The following OR9Q1 variants were observed in gnomAD, a reference collection of about 807,000 sequenced individuals.
The protein encoded by OR9Q1 is olfactory receptor 9Q1.
For missense variants in OR9Q1, 374 were observed against 378.8 expected, an observed-to-expected ratio of 0.99 and a Z score of 0.11; for synonymous variants, 153 against 148.6, an observed-to-expected ratio of 1.03 and a Z score of -0.22.
chr11:58,118,201 A>C, intron 2 of OR9Q1: 1 of 230,666 alleles, frequency 4.3e-6, no homozygotes, highest in East Asian at 8.9e-5. Flanking sequence ...TTGGGTTGGA[A>C]TGAAATAAAC....
intron 2 of OR9Q1, chr11:58,109,728 GCTT>G: frequency 2.7e-6 from 1 of 369,694 alleles, no homozygotes; most frequent in Non-Finnish European, 5.3e-6. Flanking sequence ...AAAGGTCTTT[GCTT>G]TCTTCAGCGT....
chr11:58,069,697 G>A (rs1222949781), intron 2 of OR9Q1, among the ~76,000 whole-genome samples: 3 of 151,862 alleles, frequency 2.0e-5, no homozygotes, highest in African/African-American at 7.3e-5. Context: ...AACATGGTGA[G>A]ATCTTGTCTC....
chr11:58,045,128 A>T (rs1354433699), intron 1 of OR9Q1: 1 of 152,252 alleles, frequency 6.6e-6, no homozygotes, highest in East Asian at 1.9e-4. Flanking sequence ...TTCCTTATGC[A>T]TATGCAAATA....
intron 1 of OR9Q1, chr11:58,031,533 CA>C (rs757491239): frequency 9.3e-6 from 15 of 1,613,998 alleles, no homozygotes; most frequent in Non-Finnish European, 1.3e-5. Context: ...TTGTCGTGCT[CA>C]GATGTCACTT....
At chr11:58,167,524 T>C (rs1854516501) in intron 2 of OR9Q1, among the ~76,000 whole-genome samples, 1 of 152,206 alleles carries the variant, frequency 6.6e-6, no homozygotes, top group Admixed American at 6.5e-5. Flanking sequence ...CATATTAACT[T>C]ACTGGCTTAA....
chr11:58,157,914 T>A (rs561264736), intron 2 of OR9Q1, among the ~76,000 whole-genome samples: 2 of 152,370 alleles, frequency 1.3e-5, no homozygotes, highest in Admixed American at 6.5e-5. Context: ...CTCCTTAGGC[T>A]TCACTCCTTA....
rs569251669 is a variant in OR9Q1 at position 58,024,322 on chromosome 11, C to A, written c.-93+218C>A. ...CGCTGTCTGTCTCATAACACCCACC[C>A]ACTGCGCCTGCTCACCTCGGTTTGT... On this transcript the variant is annotated intron_variant, in intron 1 of 2. Transcript: ENST00000335397. 4.6e-5 allele frequency among the ~76,000 whole-genome samples: 7 copies of A among 152,158 alleles called. No homozygotes were observed. In the East Asian group the frequency reaches 1.4e-3, roughly 29 times the overall value.
chr11:58,052,777 T>A (rs1443895713), intron 1 of OR9Q1, among the ~76,000 whole-genome samples: 3 of 149,366 alleles, frequency 2.0e-5, no homozygotes, highest in Admixed American at 6.7e-5. Flanking sequence ...CCCCATCAAA[T>A]AGTGGGCGAA....
At chr11:58,118,020 C>T (rs957900224) in intron 2 of OR9Q1, 1 of 152,726 alleles carries the variant, frequency 6.5e-6, no homozygotes, top group African/African-American at 2.4e-5. Flanking sequence ...TTATACAATA[C>T]TCCCTGCTTA....
chr11:58,030,152 A>G (rs900516763), intron 1 of OR9Q1, among the ~76,000 whole-genome samples: 1 of 152,084 alleles, frequency 6.6e-6, no homozygotes, highest in Admixed American at 6.5e-5. Context: ...TCTGGCTCTT[A>G]TCTTGTTCCC....
chr11:58,037,228 T>A (rs1393769448), intron 1 of OR9Q1, among the ~76,000 whole-genome samples: 1 of 152,224 alleles, frequency 6.6e-6, no homozygotes, highest in Non-Finnish European at 1.5e-5. Context: ...AAAGTATTTT[T>A]AAAATTAAGG....
intron 2 of OR9Q1, chr11:58,072,530 C>G (rs1453092847): frequency 1.9e-5 from 3 of 156,806 alleles, no homozygotes; most frequent in Non-Finnish European, 4.3e-5. Context: ...TTCACATTTT[C>G]TGTTGTAATC....
At chr11:58,103,163 C>T (rs1853800720) in intron 2 of OR9Q1, among the ~76,000 whole-genome samples, 1 of 152,060 alleles carries the variant, frequency 6.6e-6, no homozygotes, top group Admixed American at 6.6e-5. Context: ...AACTTACAAT[C>T]ATGGCAGAAA....
rs78682631 is a variant in OR9Q1 at position 58,160,187 on chromosome 11, G to A, written c.-14-19244G>A. On this transcript the variant is annotated intron_variant, in intron 2 of 2. Coordinates refer to ENST00000335397, the MANE Select transcript of OR9Q1 (RefSeq NM_001005212.4). ...AGGCAGCACCAACTTTTAGACATGT[G>A]ATTAAATGATCCTTCAGTTAATTCA... Among the ~76,000 whole-genome samples, 8 of 152,290 alleles carry A rather than the reference G, an allele frequency of 5.3e-5. No homozygotes were observed. In the East Asian group the frequency reaches 1.5e-3, roughly 29 times the overall value.
At chr11:58,071,519 CT>C (rs202057005) in intron 2 of OR9Q1, among the ~76,000 whole-genome samples, 3,272 of 152,038 alleles carry the variant, frequency 0.022, 115 homozygotes, top group African/African-American at 0.075. Context: ...GCCAGCCAGA[CT>C]TGTGTTTCTC....
At chr11:58,153,130 A>G (rs1035291409) in intron 2 of OR9Q1, among the ~76,000 whole-genome samples, 1 of 152,206 alleles carries the variant, frequency 6.6e-6, no homozygotes, top group African/African-American at 2.4e-5. Flanking sequence ...TTATCCTCTA[A>G]AAGAAATAGA....
chr11:58,172,827 G>A (rs1313120278), intron 2 of OR9Q1, among the ~76,000 whole-genome samples: 2 of 152,266 alleles, frequency 1.3e-5, no homozygotes, highest in South Asian at 2.1e-4. Context: ...AACAATCAAA[G>A]TATACTGTTT....
intron 2 of OR9Q1, among the ~76,000 whole-genome samples, chr11:58,098,000 A>G (rs775149197): frequency 5.9e-5 from 9 of 152,338 alleles, no homozygotes; most frequent in Admixed American, 1.3e-4. Flanking sequence ...TTTTGGAGTG[A>G]TGGATATGTC....
chr11:58,143,445 T>C (rs1447957972), intron 2 of OR9Q1, among the ~76,000 whole-genome samples: 1 of 152,226 alleles, frequency 6.6e-6, no homozygotes, highest in Non-Finnish European at 1.5e-5. Flanking sequence ...GTTTTCTAAT[T>C]TGGGACCTGT....
Sources: gnomAD v4.1 joint callset for allele counts (sites outside exome capture counted in the v4.1 genomes callset) on GRCh38, gnomAD v4.1.1 for gene constraint, MANE v1.5 for transcripts, NCBI Gene and HGNC (gene_info 2026-07-23, HGNC 2026-07-21) for gene names.